The following NRCAM variants were observed in gnomAD, a reference collection of about 807,000 sequenced individuals.
The protein encoded by NRCAM is neuronal cell adhesion molecule.
A neutral mutation model predicts 156.5 loss-of-function variants in NRCAM; 83 were observed. The observed-to-expected ratio is 0.53, with a 90% CI of 0.44 to 0.64. The LOEUF (loss-of-function observed/expected upper bound fraction) is 0.64. Ranked by LOEUF, NRCAM falls within the 30% of genes least tolerant of loss-of-function variation. The pLI, the probability that NRCAM is intolerant of heterozygous loss-of-function variation, is 0.00. For missense variants in NRCAM, 1,417 were observed against 1,597.3 expected (o/e 0.89, Z 1.92); for synonymous variants, 538 against 563.9 (o/e 0.95, Z 0.65).
At chr7:108,296,506 T>C (rs902690762) in intron 3 of NRCAM, among the ~76,000 whole-genome samples, 1 of 151,804 alleles carries the variant, frequency 6.6e-6, no homozygotes, top group African/African-American at 2.4e-5. Context: ...AGCAACTCAA[T>C]AAATATAGAA....
chr7:108,320,281 G>C (rs1265118124), intron 2 of NRCAM, among the ~76,000 whole-genome samples: 1 of 151,916 alleles, frequency 6.6e-6, no homozygotes, highest in African/African-American at 2.4e-5. Flanking sequence ...GGGAGACCCT[G>C]TCTCTGTGAA....
Position 108,209,532 on chromosome 7 carries a change from C to T in NRCAM, c.964G>A (p.Glu322Lys). 6.2e-7 allele frequency: 1 copy of T among 1,612,812 alleles called. No individual in the cohort carries two copies. Among genetic ancestry groups the T allele is most frequent in the South Asian group, 1.1e-5 (1 of 90,802 alleles). Residue 322 changes from glutamate (E) to lysine (K), a missense_variant, in exon 12 of 33, where the codon GAG becomes AAG. Physicochemically the swap from Glu to Lys is moderately conservative, Grantham distance 56. Around this residue, in one of 2 missense-constraint regions of NRCAM, gnomAD observed 1,238 missense variants for 1,336.4 expected, o/e 0.93. Transcript: ENST00000379028. ...ACATGAATGATCTGCAAGGTTTTCTCAAAGTTCTTATAAACTGTCCTGTTT... is the reference window on the plus strand; with the variant it reads ...ACATGAATGATCTGCAAGGTTTTCTTAAAGTTCTTATAAACTGTCCTGTTT... ...PKNRTVYKNF[E>K]KTLQIIHVSE...
intron 3 of NRCAM, among the ~76,000 whole-genome samples, chr7:108,301,279 A>T (rs1352061175): frequency 1.3e-5 from 2 of 152,236 alleles, no homozygotes; most frequent in Non-Finnish European, 2.9e-5. Context: ...AAAGTGTGTT[A>T]TCTGCCAGTC....
chr7:108,410,355 C>T (rs1793905612), intron 1 of NRCAM, among the ~76,000 whole-genome samples: 1 of 152,156 alleles, frequency 6.6e-6, no homozygotes, highest in South Asian at 2.1e-4. Flanking sequence ...TAAAACATTA[C>T]AAGCCATTTC....
At chr7:108,248,780 CAG>C (rs1454699740) in intron 3 of NRCAM, among the ~76,000 whole-genome samples, 3 of 152,166 alleles carry the variant, frequency 2.0e-5, no homozygotes, top group African/African-American at 4.8e-5. Context: ...CTCCAATCAT[CAG>C]AGAGTCTGGG....
intron 3 of NRCAM, among the ~76,000 whole-genome samples, chr7:108,310,741 A>C (rs1053896868): frequency 1.3e-5 from 2 of 152,156 alleles, no homozygotes; most frequent in Non-Finnish European, 2.9e-5. Context: ...AATTGGGAAG[A>C]CTCAGTATTT....
intron 2 of NRCAM, among the ~76,000 whole-genome samples, chr7:108,396,773 C>T (rs1320012542): frequency 6.6e-6 from 1 of 152,078 alleles, no homozygotes; most frequent in Admixed American, 6.6e-5. Context: ...TATCCTGTGC[C>T]TAAAAGTGTT....
At chr7:108,183,096 T>A (rs1253690490) in intron 22 of NRCAM, among the ~76,000 whole-genome samples, 176 bp from the exon 23 acceptor site, 1 of 152,254 alleles carries the variant, frequency 6.6e-6, no homozygotes, top group Non-Finnish European at 1.5e-5. Context: ...GCAATGAGAT[T>A]CAAAGCTTGT....
intron 28 of NRCAM, among the ~76,000 whole-genome samples, chr7:108,170,810 G>C (rs1055468989): frequency 7.2e-5 from 11 of 152,088 alleles, no homozygotes; most frequent in Admixed American, 7.2e-4. Context: ...GTTGTACTTA[G>C]AGAACGAGTG....
At chr7:108,266,510 C>T (rs1208795781) in intron 3 of NRCAM, among the ~76,000 whole-genome samples, 1 of 152,134 alleles carries the variant, frequency 6.6e-6, no homozygotes, top group Non-Finnish European at 1.5e-5. Context: ...ACTGCACACG[C>T]ATGTGTGTTC....
chr7:108,304,459 T>A (rs1253823437), intron 3 of NRCAM, among the ~76,000 whole-genome samples: 1 of 151,998 alleles, frequency 6.6e-6, no homozygotes, highest in Non-Finnish European at 1.5e-5. Flanking sequence ...TGAATGAGTG[T>A]GATTCCCTGA....
intron 20 of NRCAM, among the ~76,000 whole-genome samples, chr7:108,185,120 G>A (rs1044605214): frequency 1.8e-4 from 28 of 151,974 alleles, no homozygotes; most frequent in Non-Finnish European, 3.7e-4. Flanking sequence ...ATAATCAAAG[G>A]TTTAACACAC....
chr7:108,318,481 TGTTA>T (rs1470523782), intron 2 of NRCAM, among the ~76,000 whole-genome samples: 1 of 152,204 alleles, frequency 6.6e-6, no homozygotes, highest in Non-Finnish European at 1.5e-5. Flanking sequence ...ATTGTGAGGC[TGTTA>T]GATTCCCTTT....
At chr7:108,172,045 C>T (rs1329535477) in intron 28 of NRCAM, among the ~76,000 whole-genome samples, 1 of 152,190 alleles carries the variant, frequency 6.6e-6, no homozygotes, top group Admixed American at 6.5e-5. Flanking sequence ...GTCAAGAATG[C>T]AGATTCCTGC....
At position 108,155,087 on chromosome 7, in the gene NRCAM, CAT is replaced by C. The variant is rs148453642; in HGVS notation, c.3677+4374_3677+4375del. On this transcript the variant is annotated intron_variant, in intron 32 of 32. Transcript: ENST00000379028. ...AAGTCATAGAAGATGATTTAAAAGT[CAT>C]ATATATATATATACACACACACACA... 9.2e-3 allele frequency among the ~76,000 whole-genome samples: 1,048 copies of C among 114,134 alleles called. 22 individuals carry two copies. The highest frequency in any genetic ancestry group is 0.027 in the African/African-American group (898 of 33,012). The allele number at this position is 114,134 out of a possible 152,430, so 74.9% of individuals were successfully genotyped here. A position where few individuals can be genotyped will look rare whatever the true frequency, so the allele number is the denominator to read the frequency against.
intron 1 of NRCAM, among the ~76,000 whole-genome samples, chr7:108,431,847 T>C (rs1453892526): frequency 6.6e-6 from 1 of 152,206 alleles, no homozygotes; most frequent in East Asian, 1.9e-4. Context: ...GGACAAGGCA[T>C]TATTTCCAAA....
intron 3 of NRCAM, among the ~76,000 whole-genome samples, chr7:108,306,021 G>T (rs1291673439): frequency 6.6e-6 from 1 of 152,184 alleles, no homozygotes; most frequent in Non-Finnish European, 1.5e-5. Context: ...AATACTCTCT[G>T]TGAGACAGAT....
rs114156582 is a variant in NRCAM at position 108,382,799 on chromosome 7, T to C, written c.-174+16637A>G. Among the ~76,000 whole-genome samples the C allele has an allele frequency of 4.8e-3, 730 of 152,176 alleles. 8 individuals are homozygous for C. The highest frequency in any genetic ancestry group is 0.017 in the African/African-American group (686 of 41,524). The stretch of plus-strand genomic sequence containing the variant: ...CTTAATATACCAAAAACACCCCATA[T>C]TGACTCTGTAAAGTAATTACCCCCA... On this transcript the variant is annotated intron_variant, in intron 2 of 32. Coordinates refer to ENST00000379028, the MANE Select transcript of NRCAM (RefSeq NM_001037132.4).
At chr7:108,359,785 G>A (rs1346120341) in intron 2 of NRCAM, among the ~76,000 whole-genome samples, 1 of 152,190 alleles carries the variant, frequency 6.6e-6, no homozygotes. Context: ...TGTGACAAAT[G>A]TCTGTTACCA....
Sources: allele counts gnomAD v4.1 joint callset (sites outside exome capture counted in the v4.1 genomes callset), GRCh38; gene constraint gnomAD v4.1.1; regional missense constraint gnomAD v4.1.1; transcripts MANE v1.5; gene names NCBI Gene and HGNC (gene_info 2026-07-23, HGNC 2026-07-21).